NLK: variants seen among roughly 807,000 people sequenced by gnomAD.
The protein encoded by NLK is serine/threonine-protein kinase NLK.
In NLK, 11 loss-of-function variants were observed where a neutral mutation model predicts 59.0. The observed-to-expected ratio is 0.19, with a 90% confidence interval of 0.12 to 0.31. NLK has a LOEUF of 0.31. NLK is among the 10% of genes least tolerant of loss of function. The pLI is 1.00. For missense variants in NLK, 410 were observed against 661.1 expected, an observed-to-expected ratio of 0.62 and a Z score of 4.16; for synonymous variants, 235 against 235.9, an observed-to-expected ratio of 1.00 and a Z score of 0.03.
chr17:28,148,345 T>C (rs1417014779), intron 3 of NLK, among the ~76,000 whole-genome samples: 1 of 152,094 alleles, frequency 6.6e-6, no homozygotes, highest in African/African-American at 2.4e-5. Flanking sequence ...TTTTTAGTTC[T>C]CATGCACTTA....
chr17:28,150,358 T>C (rs1307299417), intron 3 of NLK, among the ~76,000 whole-genome samples: 2 of 152,154 alleles, frequency 1.3e-5, no homozygotes, highest in African/African-American at 4.8e-5. Flanking sequence ...TTAGCAGACC[T>C]ATAAAGGCAA....
At chr17:28,076,185 G>T (rs1910155739) in intron 1 of NLK, among the ~76,000 whole-genome samples, 1 of 152,056 alleles carries the variant, frequency 6.6e-6, no homozygotes, top group African/African-American at 2.4e-5. Context: ...TTAAAAATTT[G>T]GATAACTTTA....
chr17:28,174,318 C>T (rs1362340094), intron 7 of NLK, among the ~76,000 whole-genome samples: 1 of 152,038 alleles, frequency 6.6e-6, no homozygotes, highest in Non-Finnish European at 1.5e-5. Context: ...CAAATCATTT[C>T]TTATATATTT....
chr17:28,137,368 A>C (rs537128955), intron 3 of NLK, among the ~76,000 whole-genome samples: 1 of 152,284 alleles, frequency 6.6e-6, no homozygotes, highest in East Asian at 1.9e-4. Flanking sequence ...AGTCAAAAAT[A>C]TATATTTATA....
chr17:28,163,495 G>T, intron 4 of NLK, 48 bp from the exon 5 acceptor site: 1 of 1,080,354 alleles, frequency 9.3e-7, no homozygotes, highest in South Asian at 1.4e-5. Flanking sequence ...ATTATTGGTT[G>T]AGTAAAAGGA....
At chr17:28,205,879 A>ATTGC in the NLK span, among the ~76,000 whole-genome samples, 1 of 152,190 alleles carries the variant, frequency 6.6e-6, no homozygotes, top group African/African-American at 2.4e-5. Context: ...TACAGTTAGT[A>ATTGC]ATGTTGTATT....
At chr17:28,187,058 T>C (rs917185512) in intron 8 of NLK, among the ~76,000 whole-genome samples, 12 of 152,230 alleles carry the variant, frequency 7.9e-5, no homozygotes, top group Non-Finnish European at 1.3e-4. Context: ...AAACTCCTTT[T>C]ATATGGTTAA....
intron 3 of NLK, among the ~76,000 whole-genome samples, chr17:28,146,213 A>G (rs1166724139): frequency 1.3e-5 from 2 of 151,646 alleles, no homozygotes; most frequent in African/African-American, 4.9e-5. Flanking sequence ...GTTACTTGAT[A>G]CTCTTCCCTA....
At position 28,194,639 on chromosome 17, in the gene NLK, G is replaced by T; in HGVS notation, c.*3G>T. Reference sequence around the variant, plus strand: ...CATCTCCTCTGGTGTGGGAGTGATGGTGGAAGATAATGTACTACTGAAGAT... The same window carrying T: ...CATCTCCTCTGGTGTGGGAGTGATGTTGGAAGATAATGTACTACTGAAGAT... On this transcript the variant is annotated 3_prime_UTR_variant, in exon 11 of 11. Transcript: ENST00000407008. 6.3e-7 allele frequency: 1 copy of T among 1,589,704 alleles called. No homozygotes were observed. Among genetic ancestry groups the T allele is most frequent in the Non-Finnish European group, 8.6e-7 (1 of 1,161,046 alleles).
chr17:28,099,724 G>GC (rs897255310), intron 1 of NLK, among the ~76,000 whole-genome samples: 3 of 150,736 alleles, frequency 2.0e-5, no homozygotes. Context: ...GACTACAGGC[G>GC]CCCGCCACCG....
chr17:28,201,442 G>C, the NLK span, among the ~76,000 whole-genome samples: 1 of 150,440 alleles, frequency 6.6e-6, no homozygotes, highest in African/African-American at 2.5e-5. Flanking sequence ...AGCTTCTCGG[G>C]AGGCTGAGGA....
chr17:28,098,017 G>A (rs775164687), intron 1 of NLK, among the ~76,000 whole-genome samples: 1 of 151,922 alleles, frequency 6.6e-6, no homozygotes, highest in South Asian at 2.1e-4. Context: ...TTAAGGTGTC[G>A]ACTGGTTATT....
At chr17:28,072,351 G>GTTTTTTTTT (rs1408351521) in intron 1 of NLK, among the ~76,000 whole-genome samples, 1 of 145,938 alleles carries the variant, frequency 6.9e-6, no homozygotes. Context: ...TTTGAGACAG[G>GTTTTTTTTT]GTTTTGCTTG....
chr17:28,100,750 G>A (rs986842094), intron 1 of NLK, among the ~76,000 whole-genome samples: 1 of 151,890 alleles, frequency 6.6e-6, no homozygotes, highest in Non-Finnish European at 1.5e-5. Context: ...CATAGTTTTT[G>A]CATCTTTGTG....
At chr17:28,048,290 C>G (rs1488744777) in intron 1 of NLK, 2 of 242,130 alleles carry the variant, frequency 8.3e-6, no homozygotes, top group East Asian at 1.5e-4. Flanking sequence ...AAAGATTATC[C>G]AAATTATGTT....
chr17:28,162,189 G>A (rs910644030), intron 4 of NLK, among the ~76,000 whole-genome samples: 1 of 152,090 alleles, frequency 6.6e-6, no homozygotes, highest in South Asian at 2.1e-4. Context: ...CTAATTTTTT[G>A]TATTTTTAGT....
chr17:28,117,112 C>T (rs1905811209), intron 1 of NLK, among the ~76,000 whole-genome samples: 1 of 152,158 alleles, frequency 6.6e-6, no homozygotes. Context: ...ATGAGAAAAT[C>T]CAGCATGGCA....
At chr17:28,190,934 A>G in intron 8 of NLK, 87 bp from the exon 9 acceptor site, 1 of 900,026 alleles carries the variant, frequency 1.1e-6, no homozygotes, top group Non-Finnish European at 1.7e-6. Flanking sequence ...ATGCTATGTC[A>G]AGCAGTTAAT....
At position 28,134,614 on chromosome 17, in the gene NLK, T is replaced by G. The variant is rs985840544; in HGVS notation, c.644+1939T>G. Among the ~76,000 whole-genome samples, 3 of 152,326 alleles carry G rather than the reference T, an allele frequency of 2.0e-5. No individual in the cohort carries two copies. The South Asian group carries it at 6.2e-4, about 32-fold the overall frequency. On this transcript the variant is annotated intron_variant, in intron 3 of 10. Coordinates refer to ENST00000407008, the MANE Select transcript of NLK (RefSeq NM_016231.5). ...CCAAGGGTCCTGGAACCAATCCCCC[T>G]TGGATACTGAGGGGAAACTGTAATC...
Sources: gnomAD v4.1 joint callset for allele counts (sites outside exome capture counted in the v4.1 genomes callset) on GRCh38, gnomAD v4.1.1 for gene constraint, MANE v1.5 for transcripts, NCBI Gene and HGNC (gene_info 2026-07-23, HGNC 2026-07-21) for gene names.